The following PBRM1 variants were observed in gnomAD, a reference collection of about 807,000 sequenced individuals.
The protein encoded by PBRM1 is polybromo 1.
A neutral mutation model predicts 194.5 loss-of-function variants in PBRM1; 27 were observed. The ratio of observed to expected loss-of-function variants is 0.14; its 90% CI spans 0.10 to 0.19. PBRM1 has a LOEUF of 0.19. Among genes scored for constraint, PBRM1 ranks in the 10% least tolerant of loss-of-function variants. PBRM1 has a pLI of 1.00. For missense variants in PBRM1, 1,466 were observed against 2,077.2 expected (o/e 0.71, Z 5.72); for synonymous variants, 655 against 693.2 (o/e 0.94, Z 0.87).
chr3:52,654,976 G>T (rs570369215), intron 5 of PBRM1, among the ~76,000 whole-genome samples: 10 of 152,022 alleles, frequency 6.6e-5, no homozygotes, highest in Non-Finnish European at 7.4e-5. Flanking sequence ...TTTTTTTGTA[G>T]AGACAGAGTC....
chr3:52,621,050 T>C (rs1226188532), intron 13 of PBRM1, among the ~76,000 whole-genome samples: 1 of 152,214 alleles, frequency 6.6e-6, no homozygotes, highest in Non-Finnish European at 1.5e-5. Flanking sequence ...GCTGGTATGT[T>C]TGCTTTATCT....
At chr3:52,660,844 T>C (rs1054773003) in intron 4 of PBRM1, among the ~76,000 whole-genome samples, 3 of 151,920 alleles carry the variant, frequency 2.0e-5, no homozygotes, top group Admixed American at 6.6e-5. Flanking sequence ...TAAGAAGTAA[T>C]TGTATTTTTG....
Position 52,609,873 on chromosome 3 carries a change from T to C in PBRM1, c.2007A>G (p.Val669=), listed in dbSNP as rs1446813151. The C allele has an allele frequency of 3.8e-6, 6 of 1,593,114 alleles. No individual in the cohort carries two copies. Among genetic ancestry groups the C allele is most frequent in the Non-Finnish European group, 5.1e-6 (6 of 1,171,574 alleles). The change falls in exon 16 of 30, where the codon GTA becomes GTG. Residue 669 remains valine (V), a synonymous_variant. Transcript: ENST00000296302. The surrounding 1 kb of genome is among the most constrained non-coding windows in gnomAD (Gnocchi z 4.1). ...GACCCCTCTTATCAGTATAGTTCTTTACAGCTTCATAGACCTCATTTAGTT... is the reference window on the plus strand; with the variant it reads ...GACCCCTCTTATCAGTATAGTTCTTCACAGCTTCATAGACCTCATTTAGTT...
intron 27 of PBRM1, among the ~76,000 whole-genome samples, chr3:52,551,145 G>A (rs564156411): frequency 1.3e-5 from 2 of 152,182 alleles, no homozygotes; most frequent in Non-Finnish European, 1.5e-5. Context: ...TTTTTCTTCT[G>A]ACAACACATT....
chr3:52,680,571 C>T (rs2097187062), upstream of PBRM1, among the ~76,000 whole-genome samples: 2 of 152,192 alleles, frequency 1.3e-5, no homozygotes, highest in Admixed American at 1.3e-4. Flanking sequence ...ATAGTATATA[C>T]CCAAGAAAGT....
chr3:52,685,337 ACGG>A (rs1469087936), intron 1 of PBRM1: 5 of 152,192 alleles, frequency 3.3e-5, no homozygotes, highest in Admixed American at 2.6e-4. Flanking sequence ...CGGAAAAAAT[ACGG>A]AAAGAAAATC....
At chr3:52,658,299 A>G in exon 5 of PBRM1, 1 of 1,601,858 alleles carries the variant, frequency 6.2e-7, no homozygotes. Context: ...GATCTCCTTC[A>G]AGTAAGCTGG....
intron 22 of PBRM1, among the ~76,000 whole-genome samples, chr3:52,570,811 T>C (rs192113705): frequency 6.6e-6 from 1 of 152,254 alleles, no homozygotes; most frequent in African/African-American, 2.4e-5. Context: ...CTTCAATTTC[T>C]CAATAATTTT....
intron 17 of PBRM1, among the ~76,000 whole-genome samples, chr3:52,596,495 A>G (rs1038947596): frequency 4.0e-4 from 57 of 141,442 alleles, no homozygotes; most frequent in Non-Finnish European, 1.2e-4. Flanking sequence ...TGTATCCTAC[A>G]GGCCTACTAC....
intron 2 of PBRM1, among the ~76,000 whole-genome samples, chr3:52,677,769 C>A (rs1363907379): frequency 6.6e-6 from 1 of 152,170 alleles, no homozygotes; most frequent in Non-Finnish European, 1.5e-5. Context: ...CCATGTTGGC[C>A]AGGCTGGTCT....
chr3:52,633,323 G>C lies in PBRM1; in HGVS notation c.1301+1279C>G, dbSNP rs1260589129. On this transcript the variant is annotated intron_variant, in intron 11 of 29. Transcript: ENST00000296302. ...ATTTCACTTAGCATAATGTCCTCAA[G>C]CTTCATCCATGTTAGAGCGTTTCAA... Among the ~76,000 whole-genome samples the C allele has an allele frequency of 2.0e-5, 3 of 152,106 alleles. No individual in the cohort carries two copies. The East Asian group carries it at 5.8e-4, about 29-fold the overall frequency.
chr3:52,617,224 C>A (rs1198109493), intron 14 of PBRM1, 38 bp downstream of exon 16: 2 of 1,580,822 alleles, frequency 1.3e-6, no homozygotes, highest in African/African-American at 2.7e-5. Context: ...CCCTCTCCCG[C>A]AAAATGTGCC....
At chr3:52,576,970 T>C (rs1485628051) in intron 21 of PBRM1, among the ~76,000 whole-genome samples, 3 of 152,238 alleles carry the variant, frequency 2.0e-5, no homozygotes, top group Non-Finnish European at 4.4e-5. Flanking sequence ...TTTTATCTAA[T>C]GACCAGGTTT....
In PBRM1 at chr3:52,609,707, C is replaced by T. The variant is rs2094516255; in HGVS notation, c.2173G>A (p.Val725Ile). ...TTAAACATCATGACAAAGTCCTCAA[C>T]CATAGAGTCAATATCTTGGTACTTG... The change falls in exon 16 of 30, where the codon GTT (valine) becomes ATT (isoleucine). Residue 725 changes from valine to isoleucine, a missense_variant. Physicochemically the swap from Val to Ile is conservative, Grantham distance 29. This residue lies in a region of PBRM1 where 687 missense variants were observed against 946.2 expected (regional missense o/e 0.73). Transcript: ENST00000296302. This position sits in a 1 kb window ranked among gnomAD's most constrained non-coding sequence, Gnocchi z 4.1. The T allele has an allele frequency of 6.2e-7, 1 of 1,612,830 alleles. No individual in the cohort carries two copies. Among genetic ancestry groups the T allele is most frequent in the Non-Finnish European group, 8.5e-7 (1 of 1,179,582 alleles).
At position 52,625,575 on chromosome 3, in the gene PBRM1, C is replaced by CT. The variant is rs747413256; in HGVS notation, c.1541+1697dup. Reference sequence around the variant, plus strand: ...TTTAAATTAAGAACATAATGCTTAACTTTTTTTTTTTTTTTTGAGACAGAG... The same window carrying CT: ...TTTAAATTAAGAACATAATGCTTAACTTTTTTTTTTTTTTTTTGAGACAGAG... On this transcript the variant is annotated intron_variant, in intron 13 of 29. Transcript: ENST00000296302. Among the ~76,000 whole-genome samples the CT allele has an allele frequency of 8.0e-3, 1,110 of 138,554 alleles. 10 individuals carry two copies. Among genetic ancestry groups the CT allele is most frequent in the Middle Eastern group, 0.033 (9 of 272 alleles). 90.9% of individuals were successfully genotyped at this position (138,554 alleles called of 152,430 possible). A position where few individuals can be genotyped will look rare whatever the true frequency, so the allele number is the denominator to read the frequency against.
Position 52,612,285 on chromosome 3 carries a change from G to T in PBRM1, c.1925-2330C>A, listed in dbSNP as rs1017823631. ...AAAAAAAAAAAAAAAAAAAAAAAGA[G>T]GTATCAATCAGTTGCAGTATGTGGA... On this transcript the variant is annotated intron_variant, in intron 15 of 29. Coordinates refer to ENST00000296302, the Ensembl canonical transcript of PBRM1. Among the ~76,000 whole-genome samples the T allele has an allele frequency of 1.5e-4, 12 of 79,516 alleles. No individual in the cohort carries two copies. In the Admixed American group the frequency reaches 1.7e-3, roughly 11 times the overall value. 52.2% of individuals were successfully genotyped at this position (79,516 alleles called of 152,430 possible).
intron 22 of PBRM1, among the ~76,000 whole-genome samples, chr3:52,571,091 G>T (rs1241421041): frequency 6.6e-6 from 1 of 150,752 alleles, no homozygotes; most frequent in Admixed American, 6.6e-5. Flanking sequence ...TTGGGAGGCC[G>T]AGGCAGGCGC....
chr3:52,597,163 C>G (rs941935058), intron 17 of PBRM1, among the ~76,000 whole-genome samples: 7 of 152,178 alleles, frequency 4.6e-5, no homozygotes, highest in African/African-American at 1.7e-4. Context: ...ACAGCTGATG[C>G]TGGGGTATGG....
intron 16 of PBRM1, among the ~76,000 whole-genome samples, chr3:52,606,123 C>T (rs561353265): frequency 6.6e-6 from 1 of 151,942 alleles, no homozygotes. Context: ...CTCAACCTCT[C>T]GAGTAGCTGG....
Sources: gnomAD v4.1 joint callset for allele counts (sites outside exome capture counted in the v4.1 genomes callset) on GRCh38, gnomAD v4.1.1 for gene constraint, gnomAD v4.1.1 regional missense constraint, Gnocchi (gnomAD v3.1) non-coding constraint, MANE v1.5 for transcripts, NCBI Gene and HGNC (gene_info 2026-07-23, HGNC 2026-07-21) for gene names.